Variants in KDM4C observed in about 807,000 individuals in gnomAD.
KDM4C encodes lysine-specific demethylase 4C.
KDM4C carries 81 observed loss-of-function variants against 129.3 expected under a neutral mutation model. The ratio of observed to expected loss-of-function variants is 0.63; its 90% CI spans 0.52 to 0.75. The LOEUF (loss-of-function observed/expected upper bound fraction) is 0.75. KDM4C is among the 30% of genes least tolerant of loss of function. The pLI, the probability that KDM4C is intolerant of heterozygous loss-of-function variation, is 0.00. For missense variants in KDM4C, 1,457 were observed against 1,304.0 expected, an observed-to-expected ratio of 1.12 and a Z score of -1.81; for synonymous variants, 573 against 456.1, an observed-to-expected ratio of 1.26 and a Z score of -3.26.
chr9:6,730,381 C>G (rs543571165), intron 1 of KDM4C, among the ~76,000 whole-genome samples: 1 of 151,726 alleles, frequency 6.6e-6, no homozygotes, highest in East Asian at 1.9e-4. Context: ...TTTCGGAGGC[C>G]AAGGCAGGAG....
At chr9:6,982,174 AATTTTACATCTTTGCCCAGACTTATG>A in intron 9 of KDM4C, 1 of 151,550 alleles carries the variant, frequency 6.6e-6, no homozygotes, top group Non-Finnish European at 1.5e-5. Context: ...GTAACACCAT[AATTTTACATCTTTGCCCAGACTTATG>A]ATGCTTATTT....
At chr9:6,809,448 C>T (rs1369811739) in intron 3 of KDM4C, among the ~76,000 whole-genome samples, 1 of 152,144 alleles carries the variant, frequency 6.6e-6, no homozygotes, top group African/African-American at 2.4e-5. Context: ...TAGGTTAGGT[C>T]ATTGAGTAGT....
intron 1 of KDM4C, among the ~76,000 whole-genome samples, chr9:6,760,595 A>C (rs1457313660): frequency 6.7e-6 from 1 of 150,312 alleles, no homozygotes; most frequent in East Asian, 1.9e-4. Context: ...TTTTGAGACG[A>C]AGTCTCACTC....
chr9:6,860,306 A>G (rs977612248), intron 5 of KDM4C, among the ~76,000 whole-genome samples: 8 of 152,204 alleles, frequency 5.3e-5, no homozygotes, highest in African/African-American at 1.9e-4. Context: ...TCTTGAAGTC[A>G]GAAAGAAAAC....
At chr9:7,148,636 G>T (rs561738172) in intron 19 of KDM4C, among the ~76,000 whole-genome samples, 13 of 152,340 alleles carry the variant, frequency 8.5e-5, no homozygotes, top group African/African-American at 2.6e-4. Context: ...CATTTGGCAG[G>T]TCCCAAGTTC....
chr9:7,160,554 C>G (rs944356725), intron 19 of KDM4C, among the ~76,000 whole-genome samples: 1 of 152,136 alleles, frequency 6.6e-6, no homozygotes, highest in African/African-American at 2.4e-5. Flanking sequence ...CTATTCCCTT[C>G]CGGTTGTTAG....
At chr9:7,172,847 C>T (rs980899950) in intron 21 of KDM4C, among the ~76,000 whole-genome samples, 1 of 152,218 alleles carries the variant, frequency 6.6e-6, no homozygotes, top group Non-Finnish European at 1.5e-5. Context: ...GCAGTCTCAG[C>T]ACAGTGAAAT....
intron 8 of KDM4C, among the ~76,000 whole-genome samples, chr9:6,933,962 G>A (rs1371060743): frequency 6.6e-6 from 1 of 151,936 alleles, no homozygotes; most frequent in East Asian, 1.9e-4. Flanking sequence ...TGATTCTCCT[G>A]CCATAGCCTC....
At chr9:6,898,062 A>G (rs1816744357) in intron 8 of KDM4C, among the ~76,000 whole-genome samples, 1 of 151,708 alleles carries the variant, frequency 6.6e-6, no homozygotes, top group African/African-American at 2.4e-5. Context: ...GTTGTATTTC[A>G]TTTTTCCGTT....
chr9:7,171,263 A>G (rs1028375650), intron 21 of KDM4C, among the ~76,000 whole-genome samples: 1 of 152,150 alleles, frequency 6.6e-6, no homozygotes, highest in African/African-American at 2.4e-5. Flanking sequence ...TAGAGTAACT[A>G]CTAGATAATG....
chr9:6,798,109 G>A (rs1051793968), intron 2 of KDM4C, among the ~76,000 whole-genome samples: 4 of 152,146 alleles, frequency 2.6e-5, no homozygotes, highest in African/African-American at 4.8e-5. Context: ...TATTCCATTT[G>A]AACTCTTTAA....
intron 15 of KDM4C, among the ~76,000 whole-genome samples, chr9:7,019,705 T>TA (rs1563992769): frequency 9.9e-4 from 104 of 105,566 alleles, no homozygotes; most frequent in Non-Finnish European, 1.6e-3. Flanking sequence ...TATAATATTT[T>TA]TATATATAAA....
chr9:6,872,008 A>C (rs1842881361), intron 5 of KDM4C, among the ~76,000 whole-genome samples: 1 of 152,156 alleles, frequency 6.6e-6, no homozygotes, highest in Non-Finnish European at 1.5e-5. Context: ...AAAGTGGTGG[A>C]ATCTGGGTGG....
intron 4 of KDM4C, among the ~76,000 whole-genome samples, chr9:6,848,091 G>A (rs1219659349): frequency 1.3e-5 from 2 of 151,912 alleles, no homozygotes; most frequent in Admixed American, 1.3e-4. Flanking sequence ...ATGGGGTCTT[G>A]CCATGTTTCC....
chr9:6,756,347 G>C (rs541434955), upstream of KDM4C, among the ~76,000 whole-genome samples: 2 of 152,352 alleles, frequency 1.3e-5, no homozygotes, highest in South Asian at 4.1e-4. Context: ...CAATTTACTT[G>C]TAAGGATGGT....
At chr9:6,858,277 C>T (rs7022673) in intron 5 of KDM4C, among the ~76,000 whole-genome samples, 147,808 of 152,176 alleles carry the variant, frequency 0.97, 71,937 homozygotes, top group South Asian at 1. Flanking sequence ...AATTACTGCT[C>T]AGTAAGGGCG....
chr9:6,847,041 C>G (rs956290853), intron 4 of KDM4C, among the ~76,000 whole-genome samples: 4 of 152,082 alleles, frequency 2.6e-5, no homozygotes, highest in Non-Finnish European at 4.4e-5. Context: ...TCCCCTCATA[C>G]CATGGGTCTA....
At chr9:7,101,701 T>A (rs984573147) in intron 17 of KDM4C, among the ~76,000 whole-genome samples, 1 of 152,200 alleles carries the variant, frequency 6.6e-6, no homozygotes, top group Non-Finnish European at 1.5e-5. Context: ...CTCAGTTTAA[T>A]GAAGTTAATG....
At chr9:7,129,133 T>A (rs555268265) in intron 19 of KDM4C, among the ~76,000 whole-genome samples, 1 of 152,314 alleles carries the variant, frequency 6.6e-6, no homozygotes, top group East Asian at 1.9e-4. Context: ...GGGTCTCTGT[T>A]GATGCTTTGC....
Sources: allele counts gnomAD v4.1 joint callset (sites outside exome capture counted in the v4.1 genomes callset), GRCh38; gene constraint gnomAD v4.1.1; transcripts MANE v1.5; gene names NCBI Gene and HGNC (gene_info 2026-07-23, HGNC 2026-07-21).